Variants in CEP128 observed in about 807,000 individuals in gnomAD.
CEP128 encodes centrosomal protein 128kDa.
In CEP128, 132 loss-of-function variants were observed where a neutral mutation model predicts 156.7. The ratio of observed to expected loss-of-function variants is 0.84; its 90% CI spans 0.73 to 0.97. The LOEUF (loss-of-function observed/expected upper bound fraction) is 0.97. Ranked by LOEUF, CEP128 falls within the 50% of genes least tolerant of loss-of-function variation. The probability of loss-of-function intolerance (pLI) is 0.00; values close to 1 mark genes in which losing one functional copy is unlikely to be tolerated. For synonymous variants in CEP128, 469 were observed against 448.9 expected, an observed-to-expected ratio of 1.04 and a Z score of -0.57; for missense variants, 1,252 against 1,281.9, an observed-to-expected ratio of 0.98 and a Z score of 0.36.
chr14:80,546,440 C>T (rs1175636131), intron 21 of CEP128, among the ~76,000 whole-genome samples: 1 of 152,178 alleles, frequency 6.6e-6, no homozygotes, highest in Non-Finnish European at 1.5e-5. Context: ...ACTTCTGGAA[C>T]AAACGTACTC....
intron 19 of CEP128, among the ~76,000 whole-genome samples, chr14:80,695,890 T>C (rs906868471): frequency 1.3e-5 from 2 of 152,088 alleles, no homozygotes; most frequent in African/African-American, 4.8e-5. Context: ...TTTTTTGAAA[T>C]AATTTTATGG....
intron 19 of CEP128, among the ~76,000 whole-genome samples, chr14:80,734,013 C>T (rs578101309): frequency 6.6e-5 from 10 of 152,266 alleles, no homozygotes; most frequent in Admixed American, 3.3e-4. Flanking sequence ...TTCTTTCCCA[C>T]TTCAACGCTT....
At chr14:80,737,280 T>A (rs1169113324) in intron 19 of CEP128, among the ~76,000 whole-genome samples, 1 of 152,110 alleles carries the variant, frequency 6.6e-6, no homozygotes, top group Non-Finnish European at 1.5e-5. Flanking sequence ...GGCACACACC[T>A]GTAGTCCCAG....
intron 19 of CEP128, among the ~76,000 whole-genome samples, chr14:80,714,636 CCACA>C (rs1320062341): frequency 2.6e-5 from 4 of 151,912 alleles, no homozygotes; most frequent in African/African-American, 9.7e-5. Context: ...CTCAAACTTC[CCACA>C]TTGTCTCCAC....
At chr14:80,671,944 A>G (rs994265587) in intron 19 of CEP128, among the ~76,000 whole-genome samples, 2 of 152,294 alleles carry the variant, frequency 1.3e-5, no homozygotes, top group South Asian at 2.1e-4. Context: ...TTATCCTCAC[A>G]TATCAAAACT....
At chr14:80,633,263 AC>A (rs1894040834) in intron 19 of CEP128, among the ~76,000 whole-genome samples, 2 of 152,146 alleles carry the variant, frequency 1.3e-5, no homozygotes, top group South Asian at 4.2e-4. Flanking sequence ...ACAAAACAAA[AC>A]AAACTAGCTT....
intron 13 of CEP128, among the ~76,000 whole-genome samples, chr14:80,817,609 G>T (rs181380420): frequency 2.5e-4 from 38 of 152,284 alleles, no homozygotes; most frequent in Admixed American, 6.5e-4. Flanking sequence ...GAGGCCGGGC[G>T]CAGTGGCTCA....
At chr14:80,932,681 T>C (rs1885536516) in intron 2 of CEP128, among the ~76,000 whole-genome samples, 1 of 152,178 alleles carries the variant, frequency 6.6e-6, no homozygotes, top group Non-Finnish European at 1.5e-5. Flanking sequence ...GGGCTCCCAC[T>C]GACTCTATGG....
intron 19 of CEP128, among the ~76,000 whole-genome samples, chr14:80,742,381 C>T (rs1566889083): frequency 1.3e-5 from 2 of 152,082 alleles, no homozygotes; most frequent in Non-Finnish European, 2.9e-5. Context: ...TGGGCTGGTC[C>T]TCCACAACGT....
At chr14:80,649,336 TA>T (rs1166247337) in intron 19 of CEP128, among the ~76,000 whole-genome samples, 1 of 152,014 alleles carries the variant, frequency 6.6e-6, no homozygotes, top group Non-Finnish European at 1.5e-5. Flanking sequence ...TCTCACTTGT[TA>T]AAGAATGCCA....
intron 20 of CEP128, among the ~76,000 whole-genome samples, chr14:80,561,396 G>C (rs1372999175): frequency 6.6e-6 from 1 of 152,072 alleles, no homozygotes; most frequent in African/African-American, 2.4e-5. Context: ...GCCTCAAGGG[G>C]GCTTTGATCT....
intron 6 of CEP128, among the ~76,000 whole-genome samples, chr14:80,900,383 A>G (rs1041385198): frequency 6.6e-6 from 1 of 152,220 alleles, no homozygotes; most frequent in Non-Finnish European, 1.5e-5. Context: ...AAAGGGCCCA[A>G]TAGCGACTAT....
At chr14:80,764,463 C>T (rs903688059) in intron 16 of CEP128, among the ~76,000 whole-genome samples, 1 of 149,980 alleles carries the variant, frequency 6.7e-6, no homozygotes, top group Non-Finnish European at 1.5e-5. Context: ...TGCGCCACTG[C>T]AGTCCGCAGT....
intron 16 of CEP128, among the ~76,000 whole-genome samples, chr14:80,764,743 A>G (rs1367313527): frequency 4.6e-5 from 7 of 152,192 alleles, no homozygotes; most frequent in African/African-American, 1.7e-4. Flanking sequence ...GGAACAGAGT[A>G]CCTGACAAAG....
At chr14:80,745,027 A>G (rs1899028081) in intron 18 of CEP128, among the ~76,000 whole-genome samples, 1 of 152,158 alleles carries the variant, frequency 6.6e-6, no homozygotes, top group Admixed American at 6.5e-5. Flanking sequence ...CATGATTAAT[A>G]TGGTTTGGCT....
chr14:80,588,341 T>C (rs969557870), intron 19 of CEP128, among the ~76,000 whole-genome samples: 1 of 152,122 alleles, frequency 6.6e-6, no homozygotes, highest in Non-Finnish European at 1.5e-5. Context: ...CATGTATTTA[T>C]ATCTGGTACA....
At chr14:80,886,985 G>C (rs747497836) in intron 8 of CEP128, among the ~76,000 whole-genome samples, 2 of 152,174 alleles carry the variant, frequency 1.3e-5, no homozygotes, top group Non-Finnish European at 2.9e-5. Flanking sequence ...TGCAATCCTA[G>C]TCTCTGATAA....
chr14:80,497,390 G>T lies in CEP128; in HGVS notation c.*89C>A. 1 of 835,852 alleles carries T rather than the reference G, an allele frequency of 1.2e-6. No homozygotes were observed. The highest frequency in any genetic ancestry group is 1.9e-6 in the Non-Finnish European group (1 of 515,848). The allele number at this position is 835,852 out of a possible 1,614,324, so 51.8% of individuals were successfully genotyped here. A position where few individuals can be genotyped will look rare whatever the true frequency, so the allele number is the denominator to read the frequency against. On this transcript the variant is annotated 3_prime_UTR_variant, in exon 25 of 25. Coordinates refer to ENST00000555265, the MANE Select transcript of CEP128 (RefSeq NM_152446.5). ...AAGAGCCAAAGCTGCAGGTATGTCT[G>T]TTAGATAATCTGGGCCAAATTGCTG... is the stretch of plus-strand genomic sequence containing the variant.
At chr14:80,871,817 C>T (rs965068334) in intron 8 of CEP128, among the ~76,000 whole-genome samples, 1 of 151,706 alleles carries the variant, frequency 6.6e-6, no homozygotes, top group African/African-American at 2.4e-5. Context: ...AGCAAAATAA[C>T]AAGAATAAAA....
Sources: gnomAD v4.1 joint callset for allele counts (sites outside exome capture counted in the v4.1 genomes callset) on GRCh38, gnomAD v4.1.1 for gene constraint, MANE v1.5 for transcripts, NCBI Gene and HGNC (gene_info 2026-07-23, HGNC 2026-07-21) for gene names.